TULP4: variants seen among roughly 807,000 people sequenced by gnomAD.
The protein encoded by TULP4 is tubby-related protein 4.
A neutral mutation model predicts 129.0 loss-of-function variants in TULP4; 16 were observed. The ratio of observed to expected loss-of-function variants is 0.12; its 90% CI spans 0.08 to 0.19. The LOEUF is 0.19. TULP4 is among the 10% of genes least tolerant of loss of function. TULP4 has a pLI of 1.00. For synonymous variants in TULP4, 998 were observed against 854.0 expected, an observed-to-expected ratio of 1.17 and a Z score of -2.94; for missense variants, 1,842 against 2,059.1, an observed-to-expected ratio of 0.89 and a Z score of 2.04.
rs78230774 is a variant in TULP4 at position 158,262,975 on chromosome 6, C to A, written n.68+30672C>A. On this transcript the variant is annotated intron_variant and non_coding_transcript_variant, in intron 1 of 1. Coordinates refer to the TULP4 transcript ENST00000620026. ...CCCGTCATCATCACTCATAATAATA[C>A]CATATGTGTGGAGGTTGAGGGCAAG... Among the ~76,000 whole-genome samples the A allele has an allele frequency of 2.2e-4, 16 of 71,332 alleles. No homozygotes were observed. In the East Asian group the frequency reaches 9.5e-3, roughly 42 times the overall value. 46.8% of individuals were successfully genotyped at this position (71,332 alleles called of 152,430 possible).
chr6:158,475,055 T>TA (rs751647825), intron 6 of TULP4, among the ~76,000 whole-genome samples: 4 of 152,294 alleles, frequency 2.6e-5, no homozygotes, highest in East Asian at 1.9e-4. Context: ...GCTCAGTAGA[T>TA]AAAAAAATGA....
chr6:158,425,312 G>A (rs958854000), intron 2 of TULP4, among the ~76,000 whole-genome samples: 2 of 151,652 alleles, frequency 1.3e-5, no homozygotes, highest in Non-Finnish European at 2.9e-5. Context: ...TCGGGAGTTC[G>A]AGATCAGCCT....
At chr6:158,241,690 G>C (rs754591167) in intron 1 of TULP4, among the ~76,000 whole-genome samples, 2 of 152,182 alleles carry the variant, frequency 1.3e-5, no homozygotes, top group Non-Finnish European at 2.9e-5. Context: ...TGCGTCTCTG[G>C]TTCAAGCGAT....
chr6:158,359,814 T>G (rs2114830958), intron 1 of TULP4, among the ~76,000 whole-genome samples: 1 of 152,268 alleles, frequency 6.6e-6, no homozygotes, highest in East Asian at 1.9e-4. Context: ...CTCCCAGAAT[T>G]TATCTTCTCT....
At position 158,502,029 on chromosome 6, in the gene TULP4, G is replaced by A. The variant is rs1780458412; in HGVS notation, c.2366G>A (p.Gly789Asp). The change falls in exon 13 of 14, where the codon GGC becomes GAC. Residue 789 changes from glycine (G) to aspartate (D), a missense_variant. This residue lies in a region of TULP4 where 1,089 missense variants were observed against 987.1 expected (regional missense o/e 1.10). Transcript: ENST00000367097. The stretch of plus-strand genomic sequence containing the variant: ...GGGCCCATGCAGCTGTCCACGGTGG[G>A]CCATGGAGACCGAGACCACGAACAC... ...PQGPMQLSTV[G>D]HGDRDHEHLQ... is the part of the protein sequence containing the mutation. 1.2e-6 allele frequency: 2 copies of A among 1,613,726 alleles called. No homozygotes were observed. Among genetic ancestry groups the A allele is most frequent in the South Asian group, 2.2e-5 (2 of 91,034 alleles).
At chr6:158,274,938 TA>T (rs1392297352) in intron 1 of TULP4, among the ~76,000 whole-genome samples, 2 of 152,282 alleles carry the variant, frequency 1.3e-5, no homozygotes, top group East Asian at 3.8e-4. Flanking sequence ...TGCCTCTTGT[TA>T]GCCTTTTATT....
intron 3 of TULP4, among the ~76,000 whole-genome samples, chr6:158,438,615 C>T (rs561504638): frequency 6.6e-6 from 1 of 152,210 alleles, no homozygotes; most frequent in East Asian, 1.9e-4. Context: ...GACAGAGTCT[C>T]GCTCTGTTGC....
chr6:158,451,777 A>G (rs1176259488), intron 4 of TULP4, among the ~76,000 whole-genome samples: 2 of 152,204 alleles, frequency 1.3e-5, no homozygotes, highest in Non-Finnish European at 2.9e-5. Context: ...TCCTCCTACC[A>G]TCCTTGGATG....
At chr6:158,416,126 G>T (rs1045211316) in intron 2 of TULP4, among the ~76,000 whole-genome samples, 1 of 152,204 alleles carries the variant, frequency 6.6e-6, no homozygotes, top group Admixed American at 6.5e-5. Flanking sequence ...GACTCTGCAA[G>T]TCATTCTTCC....
intron 1 of TULP4, among the ~76,000 whole-genome samples, chr6:158,269,621 A>T (rs1300851198): frequency 6.6e-6 from 1 of 152,222 alleles, no homozygotes; most frequent in African/African-American, 2.4e-5. Flanking sequence ...ATCAGGGTCA[A>T]TGATAATTGT....
intron 1 of TULP4, among the ~76,000 whole-genome samples, chr6:158,410,633 G>C (rs919507086): frequency 6.6e-6 from 1 of 152,148 alleles, no homozygotes; most frequent in African/African-American, 2.4e-5. Flanking sequence ...GCACATTTGT[G>C]GATTCTAGTG....
intron 1 of TULP4, among the ~76,000 whole-genome samples, chr6:158,266,594 G>T (rs1778450768): frequency 1.3e-5 from 2 of 152,038 alleles, no homozygotes; most frequent in Admixed American, 6.6e-5. Context: ...TATATAGTTG[G>T]CTCTACATAT....
At position 158,429,856 on chromosome 6, in the gene TULP4, A is replaced by G; in HGVS notation, c.502A>G (p.Ser168Gly). The G allele has an allele frequency of 6.2e-7, 1 of 1,614,150 alleles. No homozygotes were observed. The highest frequency in any genetic ancestry group is 2.2e-5 in the East Asian group (1 of 44,870). ...RHWSSEINLE[S>G]QITCGIWTPD... ...CTGGTCATCCGAAATCAACTTGGAA[A>G]GTCAAATTACGTGTGGCATATGGAC... The change falls in exon 3 of 14, where the codon AGT becomes GGT. Residue 168 changes from serine to glycine, a missense_variant. Around this residue, in one of 5 missense-constraint regions of TULP4, gnomAD observed 151 missense variants for 268.7 expected, o/e 0.56. Coordinates refer to ENST00000367097, the MANE Select transcript of TULP4 (RefSeq NM_020245.5).
intron 1 of TULP4, among the ~76,000 whole-genome samples, chr6:158,268,790 TTA>T (rs776855191): frequency 6.6e-6 from 1 of 152,206 alleles, no homozygotes; most frequent in Non-Finnish European, 1.5e-5. Context: ...GGCTCTATTT[TTA>T]TATGACTTTT....
At chr6:158,242,175 AG>A in intron 1 of TULP4, 1 of 1,194,878 alleles carries the variant, frequency 8.4e-7, no homozygotes, top group Non-Finnish European at 1.2e-6. Context: ...GGTCTTCCTC[AG>A]TCTCATCAGT....
intron 5 of TULP4, among the ~76,000 whole-genome samples, chr6:158,460,412 G>A (rs557139866): frequency 1.3e-5 from 2 of 152,034 alleles, no homozygotes; most frequent in South Asian, 4.2e-4. Flanking sequence ...AGATTTCAGA[G>A]ATCTCTGTAT....
intron 1 of TULP4, among the ~76,000 whole-genome samples, chr6:158,316,025 G>T (rs1284142639): frequency 1.3e-5 from 2 of 152,200 alleles, no homozygotes; most frequent in Admixed American, 6.5e-5. Context: ...TTCTGTCACT[G>T]CTTAATGGAA....
intron 1 of TULP4, among the ~76,000 whole-genome samples, chr6:158,377,199 C>T (rs920960953): frequency 1.3e-5 from 2 of 152,208 alleles, no homozygotes; most frequent in Admixed American, 6.5e-5. Context: ...ACGCCTGCCA[C>T]GTGGCCAGCA....
intron 1 of TULP4, among the ~76,000 whole-genome samples, chr6:158,362,175 G>A (rs540297129): frequency 6.5e-4 from 99 of 152,172 alleles, no homozygotes; most frequent in African/African-American, 2.2e-3. Flanking sequence ...CCACACTCTG[G>A]GTTATTTGTA....
Sources: gnomAD v4.1 joint callset for allele counts (sites outside exome capture counted in the v4.1 genomes callset) on GRCh38, gnomAD v4.1.1 for gene constraint, gnomAD v4.1.1 regional missense constraint, MANE v1.5 for transcripts, NCBI Gene and HGNC (gene_info 2026-07-23, HGNC 2026-07-21) for gene names.